The following NOLC1 variants were observed in gnomAD, a reference collection of about 807,000 sequenced individuals.
The protein encoded by NOLC1 is 140 kDa nucleolar phosphoprotein.
Under a neutral mutation model 73.4 loss-of-function variants are expected in NOLC1, and 37 were observed. That is an observed-to-expected ratio of 0.50 (90% CI 0.39 to 0.66). NOLC1 has a LOEUF of 0.66. Ranked by LOEUF, NOLC1 falls within the 30% of genes least tolerant of loss-of-function variation. The probability of loss-of-function intolerance (pLI) is 0.00; values close to 1 mark genes in which losing one functional copy is unlikely to be tolerated. For synonymous variants in NOLC1, 327 were observed against 302.6 expected, an observed-to-expected ratio of 1.08 and a Z score of -0.84; for missense variants, 921 against 838.9, an observed-to-expected ratio of 1.10 and a Z score of -1.21.
At chr10:102,153,451 G>A (rs1189474329) in intron 1 of NOLC1, among the ~76,000 whole-genome samples, 1 of 152,232 alleles carries the variant, frequency 6.6e-6, no homozygotes, top group Non-Finnish European at 1.5e-5. Context: ...GTCTTCAGCA[G>A]GGATGATAGC....
Position 102,152,559 on chromosome 10 carries a change from G to C in NOLC1, c.120+29G>C, listed in dbSNP as rs779583472. 6 of 1,612,550 alleles carry C rather than the reference G, an allele frequency of 3.7e-6. No homozygotes were observed. The South Asian group carries it at 5.5e-5, about 15-fold the overall frequency. ...AGTTCCGGGCTTGGGGCGGGGACCG[G>C]GCTGAGATGACCACAAGGCTTCAGG... On this transcript the variant is annotated intron_variant, in intron 1 of 12. Coordinates refer to ENST00000605788, the MANE Select transcript of NOLC1 (RefSeq NM_004741.5).
At chr10:102,153,266 T>C (rs2069536307) in intron 1 of NOLC1, among the ~76,000 whole-genome samples, 1 of 152,222 alleles carries the variant, frequency 6.6e-6, no homozygotes, top group South Asian at 2.1e-4. Context: ...AGAGTAGCAA[T>C]CTCAGTGCTG....
chr10:102,159,342 AC>A (rs760906086), intron 6 of NOLC1, 34 bp downstream of exon 6: 1 of 1,613,918 alleles, frequency 6.2e-7, no homozygotes, highest in South Asian at 1.1e-5. Flanking sequence ...GGCAGAGGTG[AC>A]CAGGGTGTGA....
intron 1 of NOLC1, among the ~76,000 whole-genome samples, chr10:102,154,417 A>G (rs2069556622): frequency 6.6e-6 from 1 of 152,036 alleles, no homozygotes; most frequent in African/African-American, 2.4e-5. Flanking sequence ...CAATAACTTA[A>G]TGAGATGTGT....
rs575649197 is a variant in NOLC1 at position 102,157,126 on chromosome 10, G to A, written c.176+52G>A. The stretch of plus-strand genomic sequence containing the variant: ...TATTTTCTCCCCCAAGATAGGCTGG[G>A]CTGTGTTTCTTGGTTTGGGAAGATT... On this transcript the variant is annotated intron_variant, in intron 2 of 12. Coordinates refer to ENST00000605788, the MANE Select transcript of NOLC1 (RefSeq NM_004741.5). 5.0e-6 allele frequency: 8 copies of A among 1,613,968 alleles called. No homozygotes were observed. In the South Asian group the frequency reaches 8.8e-5, roughly 18 times the overall value.
At position 102,160,435 on chromosome 10, in the gene NOLC1, A is replaced by T; in HGVS notation, c.1100-17A>T. ...TCCAATTTGGGGAGCTGTTGATTCC[A>T]TCCCTTCTGTGTCTAGACTCTGACA... On this transcript the variant is annotated splice_polypyrimidine_tract_variant and intron_variant, in intron 9 of 12. Coordinates refer to ENST00000605788, the MANE Select transcript of NOLC1 (RefSeq NM_004741.5). 3 of 1,612,402 alleles carry T rather than the reference A, an allele frequency of 1.9e-6. No individual in the cohort carries two copies. Among genetic ancestry groups the T allele is most frequent in the Non-Finnish European group, 2.5e-6 (3 of 1,179,190 alleles).
At position 102,162,988 on chromosome 10, in the gene NOLC1, T is replaced by C. The variant is rs1360922762; in HGVS notation, c.*719T>C. ...TTTCTGTAATTTTATCATTACACGA[T>C]GTTTGCAATACGTGCTTTGTTTTTT... On this transcript the variant is annotated 3_prime_UTR_variant, in exon 13 of 13. Coordinates refer to ENST00000605788, the MANE Select transcript of NOLC1 (RefSeq NM_004741.5). 6.6e-6 allele frequency: 1 copy of C among 152,248 alleles called. No homozygotes were observed. The highest frequency in any genetic ancestry group is 1.5e-5 in the Non-Finnish European group (1 of 68,042). The allele number at this position is 152,248 out of a possible 1,614,324, so 9.4% of individuals were successfully genotyped here. A position where few individuals can be genotyped will look rare whatever the true frequency, so the allele number is the denominator to read the frequency against.
rs2069523181 is a variant in NOLC1, at chr10:102,152,529, C to T, written c.119C>T (p.Ala40Val). 1.9e-6 allele frequency: 3 copies of T among 1,613,590 alleles called. No individual in the cohort carries two copies. The African/African-American group carries it at 4.0e-5, about 22-fold the overall frequency. ...VANKFAKATG[A>V]TQQDANASSL... ...AATAAGTTCGCCAAAGCGACAGGAGCTGTGAGTTCCGGGCTTGGGGCGGGG... is the reference window on the plus strand; with the variant it reads ...AATAAGTTCGCCAAAGCGACAGGAGTTGTGAGTTCCGGGCTTGGGGCGGGG... Residue 40 changes from alanine (A) to valine (V), a missense_variant and splice_region_variant, in exon 1 of 13, where the codon GCT becomes GTT. Transcript: ENST00000605788.
intron 6 of NOLC1, 60 bp downstream of exon 6, chr10:102,159,368 C>T (rs775986362): frequency 2.0e-5 from 32 of 1,613,398 alleles, no homozygotes; most frequent in Non-Finnish European, 2.5e-5. Context: ...TGTGTGTCTT[C>T]CTTCCCTGGC....
chr10:102,157,107 C>A (rs201107285), intron 2 of NOLC1, 33 bp downstream of exon 2: 1 of 1,614,032 alleles, frequency 6.2e-7, no homozygotes, highest in African/African-American at 1.3e-5. Flanking sequence ...TGGCTATTTT[C>A]TCCCCCAAGA....
At chr10:102,157,643 A>G (rs1468588740) in intron 4 of NOLC1, 88 bp downstream of exon 4, 3 of 1,429,320 alleles carry the variant, frequency 2.1e-6, no homozygotes, top group East Asian at 4.9e-5. Flanking sequence ...CCAAGGGGTG[A>G]TGGCGGCAAT....
intron 1 of NOLC1, among the ~76,000 whole-genome samples, chr10:102,154,044 A>T (rs940723924): frequency 6.7e-6 from 1 of 149,804 alleles, no homozygotes; most frequent in Non-Finnish European, 1.5e-5. Flanking sequence ...TAAGGGTCAG[A>T]TGCTACGCCC....
rs1439719231 is a variant in NOLC1, at chr10:102,162,941, T to C, written c.*672T>C. ...AAATTCTGGTATGGCGTGAATGCCA[T>C]GGGTCATTCTGAATATATTTTTTTC... On this transcript the variant is annotated 3_prime_UTR_variant, in exon 13 of 13. Coordinates refer to ENST00000605788, the MANE Select transcript of NOLC1 (RefSeq NM_004741.5). 2 of 152,224 alleles carry C rather than the reference T, an allele frequency of 1.3e-5. No homozygotes were observed. The highest frequency in any genetic ancestry group is 2.9e-5 in the Non-Finnish European group (2 of 68,042). The allele number at this position is 152,224 out of a possible 1,614,324, so 9.4% of individuals were successfully genotyped here.
At chr10:102,153,959 C>T (rs538456158) in intron 1 of NOLC1, among the ~76,000 whole-genome samples, 11 of 152,112 alleles carry the variant, frequency 7.2e-5, no homozygotes, top group South Asian at 6.2e-4. Flanking sequence ...AGGCGCGAGC[C>T]ACCGTGCCCG....
rs747044405 is a variant in NOLC1, at chr10:102,160,756, C to T, written c.1404C>T (p.Asp468=). ...PAKQAPQGSR[D]SSSDSDSSSS... Reference sequence around the variant, plus strand: ...AGCAGGCTCCTCAGGGTAGTAGGGACAGCAGCTCTGATTCAGACAGCTCCA... The same window carrying T: ...AGCAGGCTCCTCAGGGTAGTAGGGATAGCAGCTCTGATTCAGACAGCTCCA... Residue 468 remains aspartate (D), a synonymous_variant, in exon 10 of 13, where the codon GAC becomes GAT. Transcript: ENST00000605788. 6.2e-7 allele frequency: 1 copy of T among 1,614,234 alleles called. No homozygotes were observed. The highest frequency in any genetic ancestry group is 2.2e-5 in the East Asian group (1 of 44,876).
rs2069750502 is a variant in NOLC1, at chr10:102,163,775, A to G, written c.*1506A>G. The G allele has an allele frequency of 6.6e-6, 1 of 152,248 alleles. No individual in the cohort carries two copies. Among genetic ancestry groups the G allele is most frequent in the Non-Finnish European group, 1.5e-5 (1 of 68,046 alleles). 9.4% of individuals were successfully genotyped at this position (152,248 alleles called of 1,614,324 possible). On this transcript the variant is annotated 3_prime_UTR_variant, in exon 13 of 13. Transcript: ENST00000605788. Reference sequence around the variant, plus strand: ...TTTCCATGTAACTGCCTCTAGGAAGAAAATGTACTGTTCATGCTGACACAG... The same window carrying G: ...TTTCCATGTAACTGCCTCTAGGAAGGAAATGTACTGTTCATGCTGACACAG...
At chr10:102,158,431 AT>A (rs931573179) in intron 5 of NOLC1, among the ~76,000 whole-genome samples, 19 of 151,914 alleles carry the variant, frequency 1.3e-4, no homozygotes, top group African/African-American at 3.6e-4. Context: ...AAAAATGTGT[AT>A]TTTTTTTAAT....
At chr10:102,157,964 G>T (rs955059784) in intron 4 of NOLC1, 85 bp from the exon 5 acceptor site, 13 of 1,220,504 alleles carry the variant, frequency 1.1e-5, no homozygotes, top group East Asian at 2.3e-5. Context: ...GCTCCATTAG[G>T]CCCCTAAAAA....
chr10:102,157,982 A>G (rs1396611702), intron 4 of NOLC1, 67 bp from the exon 5 acceptor site: 12 of 1,438,340 alleles, frequency 8.3e-6, no homozygotes, highest in Non-Finnish European at 1.1e-5. Flanking sequence ...AAATAAAAGG[A>G]ACCTAGGATG....
Sources: gnomAD v4.1 joint callset for allele counts (sites outside exome capture counted in the v4.1 genomes callset) on GRCh38, gnomAD v4.1.1 for gene constraint, MANE v1.5 for transcripts, NCBI Gene and HGNC (gene_info 2026-07-23, HGNC 2026-07-21) for gene names.